The following ATP7A variants were observed in gnomAD, a reference collection of about 807,000 sequenced individuals.
The protein encoded by ATP7A is copper-transporting ATPase 1.
A neutral mutation model predicts 83.5 loss-of-function variants in ATP7A; 7 were observed. That is an observed-to-expected ratio of 0.08 (90% CI 0.05 to 0.16). The LOEUF (loss-of-function observed/expected upper bound fraction) is 0.16, where lower values mean the gene tolerates loss of function less well. Ranked by LOEUF, ATP7A falls within the 10% of genes least tolerant of loss-of-function variation. The probability of loss-of-function intolerance (pLI) is 1.00; values close to 1 mark genes in which losing one functional copy is unlikely to be tolerated. For missense variants in ATP7A, 940 were observed against 1,120.8 expected (o/e 0.84, Z 2.30); for synonymous variants, 354 against 395.2 (o/e 0.90, Z 1.24).
At chrX:78,029,142 A>C in intron 14 of ATP7A, 108 bp from the exon 15 acceptor site, 2 of 829,088 alleles carry the variant, frequency 2.4e-6, no homozygotes, top group South Asian at 4.2e-5. Flanking sequence ...GCTAGGTAGG[A>C]TATGTCACTT....
In ATP7A at chrX:77,984,988, A is replaced by G. The variant is rs782759268; in HGVS notation, c.121-3254A>G. 2.7e-5 allele frequency among the ~76,000 whole-genome samples: 3 copies of G among 112,105 alleles called. No homozygotes were observed. The East Asian group carries it at 8.4e-4, about 31-fold the overall frequency. ...CTTTTATAAATAAAAGATAGGCTAA[A>G]GCAGTTAGAAAGTATAGCAAACCAT... is the stretch of plus-strand genomic sequence containing the variant. On this transcript the variant is annotated intron_variant, in intron 2 of 22. Transcript: ENST00000341514.
intron 1 of ATP7A, among the ~76,000 whole-genome samples, chrX:77,944,060 T>C (rs1303462831): frequency 1.8e-5 from 2 of 112,221 alleles, no homozygotes; most frequent in African/African-American, 6.5e-5. Flanking sequence ...TAAAATATTT[T>C]TCTATACCCT....
chrX:77,957,905 A>G (rs918451950), intron 1 of ATP7A, among the ~76,000 whole-genome samples: 3 of 110,728 alleles, frequency 2.7e-5, no homozygotes, highest in Admixed American at 1.9e-4. Context: ...TGTGTTTGTT[A>G]TGGTTTGGAT....
chrX:78,027,792 AC>A (rs1334144750), intron 14 of ATP7A, among the ~76,000 whole-genome samples: 1 of 111,202 alleles, frequency 9.0e-6, no homozygotes, highest in Non-Finnish European at 1.9e-5. Flanking sequence ...CCACACACCT[AC>A]AACCAACTGA....
At chrX:77,931,882 C>T (rs1370287429) in intron 1 of ATP7A, among the ~76,000 whole-genome samples, 4 of 101,502 alleles carry the variant, frequency 3.9e-5, no homozygotes, top group Non-Finnish European at 8.2e-5. Flanking sequence ...TCCTCACTTC[C>T]CAGTAGGGGC....
At position 78,047,520 on chromosome X, in the gene ATP7A, G is replaced by A. The variant is rs1265590199; in HGVS notation, c.*950G>A. ...AGATTAAAACTATTATACATATACA[G>A]GTCATATAAAATTACCTGGATTCAC... On this transcript the variant is annotated 3_prime_UTR_variant, in exon 23 of 23. Transcript: ENST00000341514. 1 of 111,971 alleles carries A rather than the reference G, an allele frequency of 8.9e-6. No individual in the cohort carries two copies. Among genetic ancestry groups the A allele is most frequent in the Middle Eastern group, 4.2e-3 (1 of 238 alleles). 9.2% of individuals were successfully genotyped at this position (111,971 alleles called of 1,213,427 possible). A position where few individuals can be genotyped will look rare whatever the true frequency, so the allele number is the denominator to read the frequency against.
chrX:77,994,706 A>AT (rs1341307486), intron 4 of ATP7A, among the ~76,000 whole-genome samples: 1 of 110,119 alleles, frequency 9.1e-6, no homozygotes, highest in Admixed American at 9.8e-5. Context: ...CACCCGGCTA[A>AT]TTTTTTTCTA....
At chrX:77,920,374 C>A (rs1465706679) in intron 1 of ATP7A, among the ~76,000 whole-genome samples, 1 of 109,872 alleles carries the variant, frequency 9.1e-6, no homozygotes, top group Non-Finnish European at 1.9e-5. Flanking sequence ...CGCCACCACG[C>A]CTGGCTAATT....
rs1050978007 is a variant in ATP7A, at chrX:78,018,637, C to T, written c.2627-1607C>T. The stretch of plus-strand genomic sequence containing the variant: ...TCTGCCCATTACCCAGTTCCAAAGT[C>T]GCTTCCGCATTTTCAAGTATCTTTA... On this transcript the variant is annotated intron_variant, in intron 12 of 22. Coordinates refer to ENST00000341514, the MANE Select transcript of ATP7A (RefSeq NM_000052.7). Among the ~76,000 whole-genome samples, 4 of 112,368 alleles carry T rather than the reference C, an allele frequency of 3.6e-5. No homozygotes were observed. The East Asian group carries it at 1.1e-3, about 31-fold the overall frequency.
chrX:78,037,123 T>G (rs2149108711), intron 17 of ATP7A, among the ~76,000 whole-genome samples: 1 of 111,242 alleles, frequency 9.0e-6, no homozygotes, highest in East Asian at 2.8e-4. Context: ...TTGTACATGT[T>G]AAGTTTGAGT....
At chrX:77,960,005 G>A (rs2149065990) in intron 1 of ATP7A, among the ~76,000 whole-genome samples, 1 of 112,355 alleles carries the variant, frequency 8.9e-6, no homozygotes, top group South Asian at 3.7e-4. Context: ...CAGATTTTGA[G>A]ATTTTTATCT....
chrX:77,948,469 C>T (rs1473600675), intron 1 of ATP7A, among the ~76,000 whole-genome samples: 1 of 112,077 alleles, frequency 8.9e-6, no homozygotes, highest in African/African-American at 3.2e-5. Context: ...AGAAAATAGT[C>T]ATTTTGCTAT....
chrX:78,030,600 T>G (rs1369404283), intron 15 of ATP7A, among the ~76,000 whole-genome samples: 3 of 111,202 alleles, frequency 2.7e-5, no homozygotes, highest in African/African-American at 9.8e-5. Context: ...CATGTTCCAG[T>G]TTCCTCAGTT....
intron 17 of ATP7A, among the ~76,000 whole-genome samples, chrX:78,034,506 C>T (rs940450720): frequency 1.8e-5 from 2 of 111,252 alleles, no homozygotes; most frequent in African/African-American, 6.5e-5. Flanking sequence ...TTCACTTACT[C>T]CACAGTCATG....
intron 5 of ATP7A, 50 bp from the exon 6 acceptor site, chrX:78,003,023 C>G: frequency 9.0e-7 from 1 of 1,115,414 alleles, no homozygotes; most frequent in Non-Finnish European, 1.2e-6. Context: ...TAACATTACT[C>G]TTTTTAAAAA....
At chrX:77,953,581 A>T (rs2077425346) in intron 1 of ATP7A, among the ~76,000 whole-genome samples, 1 of 112,291 alleles carries the variant, frequency 8.9e-6, no homozygotes, top group South Asian at 3.6e-4. Context: ...ACATGTTTCT[A>T]CCTTTTGTCT....
intron 20 of ATP7A, among the ~76,000 whole-genome samples, chrX:78,043,062 G>T (rs782704776): frequency 8.9e-6 from 1 of 112,215 alleles, no homozygotes; most frequent in Non-Finnish European, 1.9e-5. Flanking sequence ...TCAACAAATA[G>T]TTGCTGAGAT....
intron 2 of ATP7A, among the ~76,000 whole-genome samples, chrX:77,984,782 C>A (rs375973652): frequency 7.6e-4 from 85 of 111,980 alleles, no homozygotes; most frequent in African/African-American, 1.6e-3. Context: ...CATTCAGAGG[C>A]AAAGTTGAGT....
chrX:77,917,658 C>T lies in ATP7A; in HGVS notation c.-22+6823C>T, dbSNP rs782792701. ...CAAGCAAAACAATACATTTGCCTGT[C>T]TTTTGTTTCTAGTTGCGTTTAATGG... On this transcript the variant is annotated intron_variant, in intron 1 of 22. Transcript: ENST00000341514. 7.1e-5 allele frequency among the ~76,000 whole-genome samples: 8 copies of T among 112,327 alleles called. No homozygotes were observed. The East Asian group carries it at 2.2e-3, about 31-fold the overall frequency.
Sources: allele counts gnomAD v4.1 joint callset (sites outside exome capture counted in the v4.1 genomes callset), GRCh38; gene constraint gnomAD v4.1.1; transcripts MANE v1.5; gene names NCBI Gene and HGNC (gene_info 2026-07-23, HGNC 2026-07-21).